TMEM132D: variants seen among roughly 807,000 people sequenced by gnomAD.
TMEM132D encodes mature OL transmembrane protein.
In TMEM132D, 21 loss-of-function variants were observed where a neutral mutation model predicts 62.3. The observed-to-expected ratio is 0.34, with a 90% CI of 0.24 to 0.49. The LOEUF is 0.49. Among genes scored for constraint, TMEM132D ranks in the 20% least tolerant of loss-of-function variants. The pLI is 0.99. For synonymous variants in TMEM132D, 621 were observed against 575.6 expected, an observed-to-expected ratio of 1.08 and a Z score of -1.13; for missense variants, 1,346 against 1,402.8, an observed-to-expected ratio of 0.96 and a Z score of 0.65.
chr12:129,445,548 G>T (rs563927907), intron 3 of TMEM132D, among the ~76,000 whole-genome samples: 2 of 152,248 alleles, frequency 1.3e-5, no homozygotes, highest in Non-Finnish European at 2.9e-5. Flanking sequence ...GTCTGAGACT[G>T]AAGCTAACCT....
At chr12:129,597,530 A>C (rs66691328) in intron 2 of TMEM132D, among the ~76,000 whole-genome samples, 38,107 of 152,090 alleles carry the variant, frequency 0.25, 5,163 homozygotes, top group Admixed American at 0.3. Flanking sequence ...CACGGAGTAC[A>C]AGTAGGACAG....
At position 129,511,066 on chromosome 12, in the gene TMEM132D, T is replaced by TTTA. The variant is rs551034501; in HGVS notation, c.1115+19990_1115+19992dup. Among the ~76,000 whole-genome samples, 10 of 152,288 alleles carry TTTA rather than the reference T, an allele frequency of 6.6e-5. No homozygotes were observed. In the East Asian group the frequency reaches 1.9e-3, roughly 29 times the overall value. ...AGTTTCACATAAATAGCGCACCCAT[T>TTTA]TTAAGCATATAGTTGGCCGAACTTT... On this transcript the variant is annotated intron_variant, in intron 3 of 8. Coordinates refer to ENST00000422113, the MANE Select transcript of TMEM132D (RefSeq NM_133448.3).
intron 5 of TMEM132D, among the ~76,000 whole-genome samples, chr12:129,099,328 T>G (rs1436648345): frequency 6.6e-6 from 1 of 152,234 alleles, no homozygotes; most frequent in Non-Finnish European, 1.5e-5. Context: ...ATTTCTCCTA[T>G]TAACCTGCCA....
At chr12:129,605,560 C>T (rs1466715902) in intron 2 of TMEM132D, among the ~76,000 whole-genome samples, 1 of 132,042 alleles carries the variant, frequency 7.6e-6, no homozygotes, top group African/African-American at 2.9e-5. Context: ...CACAAGCAGC[C>T]TTTAAATTAT....
At chr12:129,883,546 A>C (rs1355513961) in intron 1 of TMEM132D, among the ~76,000 whole-genome samples, 1 of 152,230 alleles carries the variant, frequency 6.6e-6, no homozygotes, top group Non-Finnish European at 1.5e-5. Flanking sequence ...TTCACAAGCT[A>C]GTTCCAAAAT....
rs577555509 is a variant in TMEM132D at position 129,523,334 on chromosome 12, C to T, written c.1115+7725G>A. Among the ~76,000 whole-genome samples the T allele has an allele frequency of 2.0e-5, 3 of 152,270 alleles. No homozygotes were observed. In the South Asian group the frequency reaches 6.2e-4, roughly 32 times the overall value. ...GTAGGACTCTGAAATCACAAACCGACAGCAACCAAACATGAGCCATGATCT... is the reference window on the plus strand; with the variant it reads ...GTAGGACTCTGAAATCACAAACCGATAGCAACCAAACATGAGCCATGATCT... On this transcript the variant is annotated intron_variant, in intron 3 of 8. Transcript: ENST00000422113.
intron 5 of TMEM132D, among the ~76,000 whole-genome samples, chr12:129,102,293 C>A (rs1875335282): frequency 6.6e-6 from 1 of 152,178 alleles, no homozygotes; most frequent in Non-Finnish European, 1.5e-5. Context: ...TACCTTTAAT[C>A]ACACACATAC....
In TMEM132D at chr12:129,438,624, A is replaced by T. The variant is rs79513764; in HGVS notation, c.1115+92435T>A. ...TTCTTTTCCTGGGGTGGGTGTAGGT[A>T]CTGGCTTGGAGGGGACATGAGGGCA... is the stretch of plus-strand genomic sequence containing the variant. On this transcript the variant is annotated intron_variant, in intron 3 of 8. Coordinates refer to ENST00000422113, the MANE Select transcript of TMEM132D (RefSeq NM_133448.3). 1.2e-3 allele frequency among the ~76,000 whole-genome samples: 189 copies of T among 152,234 alleles called. 1 individual carries two copies. Among genetic ancestry groups the T allele is most frequent in the African/African-American group, 4.4e-3 (182 of 41,542 alleles).
At chr12:129,763,744 G>T (rs548359064) in intron 1 of TMEM132D, among the ~76,000 whole-genome samples, 22 of 14,830 alleles carry the variant, frequency 1.5e-3, no homozygotes, top group Middle Eastern at 0.17. Flanking sequence ...CAGTCACCAT[G>T]GACCCCCAAG....
At chr12:129,283,886 T>C (rs1223425344) in intron 4 of TMEM132D, among the ~76,000 whole-genome samples, 1 of 152,218 alleles carries the variant, frequency 6.6e-6, no homozygotes, top group Non-Finnish European at 1.5e-5. Context: ...GGGGAGGAGC[T>C]AACTTCCCCC....
intron 2 of TMEM132D, among the ~76,000 whole-genome samples, chr12:129,583,889 G>A (rs1409396874): frequency 6.6e-6 from 1 of 152,212 alleles, no homozygotes; most frequent in Non-Finnish European, 1.5e-5. Context: ...AAAAAAGGTA[G>A]TTTGTCAACC....
chr12:129,285,175 C>T (rs1208655148), intron 4 of TMEM132D, among the ~76,000 whole-genome samples: 2 of 152,050 alleles, frequency 1.3e-5, no homozygotes, highest in Non-Finnish European at 2.9e-5. Context: ...GGTAGTGCTG[C>T]AATCCAAGAT....
intron 4 of TMEM132D, among the ~76,000 whole-genome samples, chr12:129,213,892 T>C (rs1879128950): frequency 6.6e-6 from 1 of 152,206 alleles, no homozygotes; most frequent in Admixed American, 6.5e-5. Context: ...TAGCAGTGTG[T>C]AAATGTGTAT....
intron 2 of TMEM132D, among the ~76,000 whole-genome samples, chr12:129,617,998 CTT>C (rs1878968282): frequency 6.6e-6 from 1 of 152,172 alleles, no homozygotes; most frequent in Non-Finnish European, 1.5e-5. Context: ...GACATCGGCA[CTT>C]CACTTGCCTG....
At chr12:129,406,476 C>T (rs1274424669) in intron 3 of TMEM132D, among the ~76,000 whole-genome samples, 12 of 151,922 alleles carry the variant, frequency 7.9e-5, no homozygotes, top group Admixed American at 7.9e-4. Flanking sequence ...AAAAATTAGC[C>T]AGGTGTGGTG....
intron 2 of TMEM132D, among the ~76,000 whole-genome samples, chr12:129,631,486 A>G (rs144288685): frequency 9.8e-5 from 15 of 152,352 alleles, no homozygotes; most frequent in African/African-American, 3.4e-4. Flanking sequence ...GAAGTTGCAC[A>G]CTAACACATT....
chr12:129,623,647 G>A (rs779397300), intron 2 of TMEM132D, among the ~76,000 whole-genome samples: 3 of 146,728 alleles, frequency 2.0e-5, no homozygotes, highest in Non-Finnish European at 4.4e-5. Flanking sequence ...GTGTGTGTAT[G>A]TGTGTATATA....
chr12:129,485,781 G>A (rs1874562965), intron 3 of TMEM132D, among the ~76,000 whole-genome samples: 1 of 152,210 alleles, frequency 6.6e-6, no homozygotes, highest in Admixed American at 6.5e-5. Context: ...AGAATCTGAG[G>A]AATTGAGTCC....
intron 5 of TMEM132D, among the ~76,000 whole-genome samples, chr12:129,200,059 A>G (rs1351470990): frequency 6.6e-6 from 1 of 152,172 alleles, no homozygotes; most frequent in Non-Finnish European, 1.5e-5. Context: ...GTGAGTATGC[A>G]AAGTTTATGT....
Sources: allele counts gnomAD v4.1 joint callset (sites outside exome capture counted in the v4.1 genomes callset), GRCh38; gene constraint gnomAD v4.1.1; transcripts MANE v1.5; gene names NCBI Gene and HGNC (gene_info 2026-07-23, HGNC 2026-07-21).